The following XNDC1N variants were observed in gnomAD, a reference collection of about 807,000 sequenced individuals.
XNDC1N encodes protein XNDC1N.
the XNDC1N span, among the ~76,000 whole-genome samples, chr11:71,894,607 C>G: frequency 6.6e-6 from 1 of 152,224 alleles, no homozygotes; most frequent in Non-Finnish European, 1.5e-5. Context: ...TTAGCAGAAA[C>G]CTCATGACTG....
At chr11:71,894,075 T>C in the XNDC1N span, 5 of 508,476 alleles carry the variant, frequency 9.8e-6, no homozygotes, top group South Asian at 1.8e-5. Context: ...TGCATTTCCA[T>C]AATACTATGT....
the XNDC1N span, among the ~76,000 whole-genome samples, chr11:71,885,628 G>C: frequency 6.6e-6 from 1 of 152,094 alleles, no homozygotes; most frequent in African/African-American, 2.4e-5. Flanking sequence ...CTGGACATTA[G>C]GAGCAATATC....
At chr11:71,913,851 G>A in the XNDC1N span, among the ~76,000 whole-genome samples, 1 of 152,158 alleles carries the variant, frequency 6.6e-6, no homozygotes, top group African/African-American at 2.4e-5. Context: ...TAGGGCCCTT[G>A]AGAATTATGC....
chr11:71,908,525 C>T, the XNDC1N span, among the ~76,000 whole-genome samples: 8 of 152,192 alleles, frequency 5.3e-5, no homozygotes, highest in Non-Finnish European at 1.0e-4. Flanking sequence ...CAACCCAAAA[C>T]GGGGACACAA....
chr11:71,890,614 C>T, the XNDC1N span, among the ~76,000 whole-genome samples: 1 of 151,994 alleles, frequency 6.6e-6, no homozygotes, highest in East Asian at 1.9e-4. Context: ...TATACACCAC[C>T]TGCAATATTG....
At chr11:71,915,470 A>T in the XNDC1N span, among the ~76,000 whole-genome samples, 1 of 151,996 alleles carries the variant, frequency 6.6e-6, no homozygotes, top group Non-Finnish European at 1.5e-5. Flanking sequence ...GAAAAAAAAA[A>T]GATTACGACT....
the XNDC1N span, chr11:71,927,818 T>C: frequency 1.3e-5 from 2 of 152,338 alleles, no homozygotes; most frequent in Non-Finnish European, 2.9e-5. Flanking sequence ...GTATTAAGTG[T>C]CACAAAATAA....
chr11:71,894,787 G>A, the XNDC1N span, among the ~76,000 whole-genome samples: 1 of 152,200 alleles, frequency 6.6e-6, no homozygotes, highest in Non-Finnish European at 1.5e-5. Context: ...ACCATTGGTT[G>A]TTCAAAGTTA....
At chr11:71,915,853 A>G in the XNDC1N span, among the ~76,000 whole-genome samples, 7 of 152,234 alleles carry the variant, frequency 4.6e-5, no homozygotes, top group African/African-American at 1.7e-4. Context: ...TGTATACTGT[A>G]TCCAAGGCTC....
At chr11:71,904,522 G>A in the XNDC1N span, among the ~76,000 whole-genome samples, 1 of 151,776 alleles carries the variant, frequency 6.6e-6, no homozygotes, top group Admixed American at 6.6e-5. Context: ...GACATTTGAA[G>A]TCATATCTCT....
At chr11:71,866,068 T>C in the XNDC1N span, among the ~76,000 whole-genome samples, 1 of 151,974 alleles carries the variant, frequency 6.6e-6, no homozygotes, top group Non-Finnish European at 1.5e-5. Flanking sequence ...TATAAAATAA[T>C]AGATCAGAAA....
chr11:71,902,253 G>A, the XNDC1N span, among the ~76,000 whole-genome samples: 1 of 152,244 alleles, frequency 6.6e-6, no homozygotes, highest in Non-Finnish European at 1.5e-5. Context: ...GTGCAGTGGT[G>A]TGATTTCAGC....
the XNDC1N span, chr11:71,893,549 T>G: frequency 1.1e-6 from 1 of 912,602 alleles, no homozygotes; most frequent in Non-Finnish European, 1.8e-6. Context: ...CTCCTCGCTT[T>G]GCTGTCCCTG....
At chr11:71,877,412 T>C in the XNDC1N span, among the ~76,000 whole-genome samples, 36 of 152,308 alleles carry the variant, frequency 2.4e-4, no homozygotes, top group Non-Finnish European at 4.0e-4. Flanking sequence ...CCGAGGCATG[T>C]GGATCACTTG....
chr11:71,921,971 C>T, the XNDC1N span, among the ~76,000 whole-genome samples: 5 of 152,052 alleles, frequency 3.3e-5, no homozygotes, highest in Middle Eastern at 3.4e-3. Context: ...ACCAGCCTGG[C>T]CAACATAATG....
the XNDC1N span, among the ~76,000 whole-genome samples, chr11:71,914,590 G>A: frequency 6.6e-6 from 1 of 152,022 alleles, no homozygotes; most frequent in Non-Finnish European, 1.5e-5. Flanking sequence ...GGGAGGCTGA[G>A]GTGAGAGAAT....
chr11:71,896,555 C>G, the XNDC1N span, among the ~76,000 whole-genome samples: 1,040 of 140,050 alleles, frequency 7.4e-3, no homozygotes, highest in East Asian at 0.023. Context: ...CTCTTGAAAT[C>G]ATGCTGGTTT....
At chr11:71,878,220 C>T in the XNDC1N span, among the ~76,000 whole-genome samples, 18 of 152,226 alleles carry the variant, frequency 1.2e-4, no homozygotes, top group African/African-American at 4.1e-4. Context: ...GTGCTTTCTA[C>T]TACCTTTGCA....
the XNDC1N span, among the ~76,000 whole-genome samples, chr11:71,922,787 A>C: frequency 6.6e-6 from 1 of 152,266 alleles, no homozygotes; most frequent in Non-Finnish European, 1.5e-5. Flanking sequence ...GAGGTGGAGT[A>C]GGAGTAAATA....
Sources: allele counts gnomAD v4.1 joint callset (sites outside exome capture counted in the v4.1 genomes callset), GRCh38; gene constraint gnomAD v4.1.1; transcripts MANE v1.5; gene names NCBI Gene and HGNC (gene_info 2026-07-23, HGNC 2026-07-21).